WDPCP: variants seen among roughly 807,000 people sequenced by gnomAD.
The protein encoded by WDPCP is WD repeat containing planar cell polarity effector, also known as WD repeat-containing and planar cell polarity effector protein fritz homolog.
A neutral mutation model predicts 93.1 loss-of-function variants in WDPCP; 71 were observed. That is an observed-to-expected ratio of 0.76 (90% CI 0.63 to 0.93). The LOEUF is 0.93. Ranked by LOEUF, WDPCP falls within the 40% of genes least tolerant of loss-of-function variation. The probability of loss-of-function intolerance (pLI) is 0.00; values close to 1 mark genes in which losing one functional copy is unlikely to be tolerated. For synonymous variants in WDPCP, 315 were observed against 315.0 expected, an observed-to-expected ratio of 1.00 and a Z score of 0.00; for missense variants, 844 against 887.4, an observed-to-expected ratio of 0.95 and a Z score of 0.62.
At chr2:63,396,918 T>C (rs904905157) in intron 10 of WDPCP, among the ~76,000 whole-genome samples, 2 of 152,172 alleles carry the variant, frequency 1.3e-5, no homozygotes, top group Admixed American at 1.3e-4. Flanking sequence ...ATGTGGTATT[T>C]GGTTTTCGTT....
intron 2 of WDPCP, among the ~76,000 whole-genome samples, chr2:63,719,675 T>A (rs1463586797): frequency 6.6e-6 from 1 of 152,160 alleles, no homozygotes; most frequent in African/African-American, 2.4e-5. Context: ...CCCAAGAATG[T>A]ATGTTCCCAT....
At chr2:63,275,734 A>G (rs1683033789) in intron 13 of WDPCP, among the ~76,000 whole-genome samples, 1 of 152,210 alleles carries the variant, frequency 6.6e-6, no homozygotes. Context: ...AAAACCAAAG[A>G]GGACACAAAC....
intron 9 of WDPCP, 145 bp downstream of exon 9, chr2:63,433,600 G>A (rs962624453): frequency 3.4e-6 from 3 of 879,934 alleles, no homozygotes; most frequent in African/African-American, 3.4e-5. Context: ...AATTGTCTGG[G>A]TATCTTCTAG....
At chr2:63,588,836 T>C (rs1709069776), upstream of WDPCP, 1 of 598,720 alleles carries the variant, frequency 1.7e-6, no homozygotes, top group Non-Finnish European at 2.9e-6. Context: ...TATCGGGAAG[T>C]GTAGTTCAAC....
At chr2:63,211,650 T>C (rs1676816648) in intron 14 of WDPCP, among the ~76,000 whole-genome samples, 1 of 151,890 alleles carries the variant, frequency 6.6e-6, no homozygotes, top group Non-Finnish European at 1.5e-5. Context: ...CTTCAGAAAA[T>C]CGGTAATAAC....
chr2:63,268,529 C>A (rs573020740), intron 13 of WDPCP, among the ~76,000 whole-genome samples: 4 of 152,276 alleles, frequency 2.6e-5, no homozygotes, highest in Non-Finnish European at 5.9e-5. Context: ...TACAATGGCA[C>A]AACCATGGCT....
At chr2:63,565,064 T>C (rs932055626) in intron 1 of WDPCP, among the ~76,000 whole-genome samples, 1 of 152,250 alleles carries the variant, frequency 6.6e-6, no homozygotes, top group African/African-American at 2.4e-5. Flanking sequence ...GCGTGAGTCA[T>C]GGCACCTGGC....
At chr2:63,771,348 G>A (rs1183041902) in intron 2 of WDPCP, among the ~76,000 whole-genome samples, 1 of 151,586 alleles carries the variant, frequency 6.6e-6, no homozygotes, top group African/African-American at 2.4e-5. Flanking sequence ...AAAAAAAATA[G>A]AAAATACAAA....
chr2:63,674,699 TAAGTGTTCTTGACGCTACAAAAAAAAA>T, intron 2 of WDPCP, among the ~76,000 whole-genome samples: 1 of 143,032 alleles, frequency 7.0e-6, no homozygotes, highest in Non-Finnish European at 1.5e-5. Context: ...GATCTCATGT[TAAGTGTTCTTGACGCTACAAAAAAAAA>T]AAAGCATTCA....
At chr2:63,528,181 A>C (rs1703506255) in intron 1 of WDPCP, among the ~76,000 whole-genome samples, 2 of 152,030 alleles carry the variant, frequency 1.3e-5, no homozygotes, top group South Asian at 2.1e-4. Context: ...CTTCACCCTG[A>C]TGGTAGTTTC....
chr2:63,382,688 G>A (rs1186552990), intron 10 of WDPCP, among the ~76,000 whole-genome samples: 1 of 152,002 alleles, frequency 6.6e-6, no homozygotes. Context: ...AACTGGAATA[G>A]TTATAGGCTT....
At chr2:63,179,919 G>A (rs1574812488) in intron 14 of WDPCP, among the ~76,000 whole-genome samples, 1 of 152,226 alleles carries the variant, frequency 6.6e-6, no homozygotes, top group East Asian at 1.9e-4. Flanking sequence ...TGGCCTTCAT[G>A]TGGTCTGTTT....
At chr2:63,487,169 C>T (rs1700621895) in intron 3 of WDPCP, among the ~76,000 whole-genome samples, 1 of 151,966 alleles carries the variant, frequency 6.6e-6, no homozygotes, top group Non-Finnish European at 1.5e-5. Context: ...TCTACTGGGA[C>T]ACTGATAAAT....
At chr2:63,434,059 T>C in intron 8 of WDPCP, 123 bp from the exon 9 acceptor site, 1 of 979,266 alleles carries the variant, frequency 1.0e-6, no homozygotes, top group Non-Finnish European at 1.5e-6. Flanking sequence ...ATGTTAAACA[T>C]GTGCGTAAGA....
At chr2:63,706,603 T>C (rs1361031717) in intron 2 of WDPCP, among the ~76,000 whole-genome samples, 1 of 127,774 alleles carries the variant, frequency 7.8e-6, no homozygotes, top group Admixed American at 7.6e-5. Flanking sequence ...TTCTTTTCTT[T>C]TTTTTTTTTT....
rs1364894663 is a variant in WDPCP at position 63,430,510 on chromosome 2, TG to T, written c.825+3234del. ...TGAATTTACTGACAAAATTTTTTTC[TG>T]TACTATTTACTGTATATTTTTCAAA... On this transcript the variant is annotated intron_variant, in intron 9 of 17. Coordinates refer to ENST00000272321, the MANE Select transcript of WDPCP (RefSeq NM_015910.7). Among the ~76,000 whole-genome samples the T allele has an allele frequency of 2.0e-5, 3 of 152,264 alleles. No individual in the cohort carries two copies. In the East Asian group the frequency reaches 5.8e-4, roughly 29 times the overall value.
chr2:63,257,094 C>T (rs1681215558), intron 14 of WDPCP, among the ~76,000 whole-genome samples: 1 of 152,102 alleles, frequency 6.6e-6, no homozygotes, highest in African/African-American at 2.4e-5. Context: ...TAAAAAATTA[C>T]CAAATTGTTC....
intron 4 of WDPCP, among the ~76,000 whole-genome samples, chr2:63,486,203 G>T (rs907465484): frequency 6.6e-6 from 1 of 151,508 alleles, no homozygotes; most frequent in Non-Finnish European, 1.5e-5. Context: ...CTTAAAAATG[G>T]GTAAGACATG....
intron 3 of WDPCP, among the ~76,000 whole-genome samples, chr2:63,626,333 C>G (rs1002257723): frequency 4.6e-5 from 7 of 152,154 alleles, no homozygotes; most frequent in African/African-American, 1.7e-4. Context: ...CTAAAATTGA[C>G]AAATTGGATC....
Sources: gnomAD v4.1 joint callset for allele counts (sites outside exome capture counted in the v4.1 genomes callset) on GRCh38, gnomAD v4.1.1 for gene constraint, MANE v1.5 for transcripts, NCBI Gene and HGNC (gene_info 2026-07-23, HGNC 2026-07-21) for gene names.